The following EDA variants were observed in gnomAD, a reference collection of about 807,000 sequenced individuals.
The protein encoded by EDA is ectodysplasin-A.
EDA carries 2 observed loss-of-function variants against 23.6 expected under a neutral mutation model. The observed-to-expected ratio is 0.08, with a 90% CI of 0.03 to 0.27. The LOEUF is 0.27. Ranked by LOEUF, EDA falls within the 10% of genes least tolerant of loss-of-function variation. EDA has a pLI of 1.00. For synonymous variants in EDA, 131 were observed against 132.0 expected, an observed-to-expected ratio of 0.99 and a Z score of 0.05; for missense variants, 229 against 324.2, an observed-to-expected ratio of 0.71 and a Z score of 2.26.
chrX:69,914,250 A>G (rs2018310071), intron 1 of EDA, among the ~76,000 whole-genome samples: 1 of 111,721 alleles, frequency 9.0e-6, no homozygotes, highest in Non-Finnish European at 1.9e-5. Context: ...TCTTGCAGAT[A>G]ATAACTGTAT....
chrX:69,956,813 G>T (rs755439474), intron 1 of EDA, among the ~76,000 whole-genome samples: 1 of 112,028 alleles, frequency 8.9e-6, no homozygotes, highest in East Asian at 2.8e-4. Context: ...GAAGAAATGG[G>T]ATTCAGAAAT....
chrX:69,742,213 C>T (rs774648505), intron 1 of EDA, among the ~76,000 whole-genome samples: 3 of 111,620 alleles, frequency 2.7e-5, no homozygotes, highest in East Asian at 2.8e-4. Flanking sequence ...TGTGTAGAGT[C>T]AGAGCCATGC....
intron 1 of EDA, among the ~76,000 whole-genome samples, chrX:69,715,326 G>A (rs905395368): frequency 1.8e-5 from 2 of 110,514 alleles, no homozygotes; most frequent in Non-Finnish European, 3.8e-5. Flanking sequence ...CCACTTATAC[G>A]TGAGAATATG....
At chrX:69,777,321 A>G (rs2014817128) in intron 1 of EDA, among the ~76,000 whole-genome samples, 1 of 110,894 alleles carries the variant, frequency 9.0e-6, no homozygotes, top group African/African-American at 3.3e-5. Flanking sequence ...ATGGCCATAA[A>G]TCATGGCAAG....
chrX:69,753,286 G>A (rs1038449125), intron 1 of EDA, among the ~76,000 whole-genome samples: 79 of 111,424 alleles, frequency 7.1e-4, no homozygotes, highest in African/African-American at 2.3e-3. Context: ...GTCTTTGTTC[G>A]CATTGGTTTC....
intron 1 of EDA, among the ~76,000 whole-genome samples, chrX:69,856,254 GGTGTGTGTGTGTGTGTGTGTGTGT>G (rs202079519): frequency 1.3e-5 from 1 of 74,950 alleles, no homozygotes; most frequent in Non-Finnish European, 2.6e-5. Flanking sequence ...AGTATTCCAT[GGTGTGTGTGTGTGTGTGTGTGTGT>G]GTGTGTGTGT....
chrX:69,811,241 C>T (rs1664899062), intron 1 of EDA, among the ~76,000 whole-genome samples: 2 of 112,235 alleles, frequency 1.8e-5, no homozygotes, highest in African/African-American at 6.5e-5. Context: ...GAGTAAAAGT[C>T]CTCTGCCTGA....
At chrX:69,829,570 T>C (rs1310571067) in intron 1 of EDA, among the ~76,000 whole-genome samples, 1 of 112,248 alleles carries the variant, frequency 8.9e-6, no homozygotes, top group African/African-American at 3.2e-5. Context: ...TGCAAAGATG[T>C]ATGTGAGTGC....
intron 1 of EDA, among the ~76,000 whole-genome samples, chrX:69,736,212 G>A (rs1044054860): frequency 1.8e-5 from 2 of 110,516 alleles, no homozygotes; most frequent in African/African-American, 3.3e-5. Context: ...GACTGAGGCA[G>A]GAGAATCACT....
chrX:69,822,266 C>T (rs138931121), intron 1 of EDA, among the ~76,000 whole-genome samples: 1,544 of 111,167 alleles, frequency 0.014, 11 homozygotes, highest in Middle Eastern at 0.032. Context: ...CCTCCAGCCT[C>T]GGCAACAAAG....
At chrX:69,924,772 A>G (rs2018487625) in intron 1 of EDA, among the ~76,000 whole-genome samples, 1 of 112,137 alleles carries the variant, frequency 8.9e-6, no homozygotes, top group Non-Finnish European at 1.9e-5. Flanking sequence ...GATTCTTCCT[A>G]TCCTTGAGGA....
chrX:69,827,958 C>T (rs767377765), intron 1 of EDA, among the ~76,000 whole-genome samples: 2 of 110,760 alleles, frequency 1.8e-5, no homozygotes, highest in Non-Finnish European at 3.8e-5. Context: ...AGTTCCTGGC[C>T]GTGTGAGGTG....
intron 1 of EDA, among the ~76,000 whole-genome samples, chrX:69,780,212 T>TTA (rs1308114699): frequency 1.8e-5 from 2 of 111,435 alleles, no homozygotes; most frequent in Non-Finnish European, 3.8e-5. Context: ...TGAAATGTTG[T>TTA]ATATGTATAT....
At chrX:70,005,550 A>C (rs1435750415) in intron 2 of EDA, among the ~76,000 whole-genome samples, 1 of 110,615 alleles carries the variant, frequency 9.0e-6, no homozygotes, top group Non-Finnish European at 1.9e-5. Flanking sequence ...TGATAAATGC[A>C]ACAGTGTGTT....
chrX:69,967,431 G>A (rs2019190262), intron 2 of EDA, among the ~76,000 whole-genome samples: 1 of 111,680 alleles, frequency 9.0e-6, no homozygotes, highest in African/African-American at 3.3e-5. Flanking sequence ...AAGAAGATGT[G>A]TGGTTTTGGA....
At chrX:69,932,483 G>C (rs149734612) in intron 1 of EDA, among the ~76,000 whole-genome samples, 207 of 111,502 alleles carry the variant, frequency 1.9e-3, no homozygotes, top group African/African-American at 6.4e-3. Context: ...TAAAGAGGCA[G>C]GTTAAATAAT....
chrX:69,685,991 A>G (rs1181882848), intron 1 of EDA, among the ~76,000 whole-genome samples: 3 of 112,620 alleles, frequency 2.7e-5, no homozygotes, highest in Non-Finnish European at 5.6e-5. Context: ...GTGAAATGGC[A>G]TGTCTTTCTT....
chrX:69,663,826 G>A (rs186306397), intron 1 of EDA, among the ~76,000 whole-genome samples: 7 of 112,639 alleles, frequency 6.2e-5, no homozygotes, highest in South Asian at 3.7e-4. Context: ...TTGCATCAGC[G>A]TTACCTGGAT....
intron 1 of EDA, among the ~76,000 whole-genome samples, chrX:69,862,558 C>T (rs1286111631): frequency 9.0e-6 from 1 of 111,444 alleles, no homozygotes; most frequent in East Asian, 2.8e-4. Context: ...GATCCTACTG[C>T]TTCAGCCTCC....
Sources: gnomAD v4.1 joint callset for allele counts (sites outside exome capture counted in the v4.1 genomes callset) on GRCh38, gnomAD v4.1.1 for gene constraint, MANE v1.5 for transcripts, NCBI Gene and HGNC (gene_info 2026-07-23, HGNC 2026-07-21) for gene names.